The following TMEM132C variants were observed in gnomAD, a reference collection of about 807,000 sequenced individuals.
TMEM132C encodes the protein transmembrane protein 132C, also known as protein phosphatase 1, regulatory subunit 152.
A neutral mutation model predicts 61.4 loss-of-function variants in TMEM132C; 29 were observed. That is an observed-to-expected ratio of 0.47 (90% CI 0.35 to 0.64). The LOEUF (loss-of-function observed/expected upper bound fraction) is 0.64. TMEM132C is among the 30% of genes least tolerant of loss of function. TMEM132C has a pLI of 0.00. For synonymous variants in TMEM132C, 656 were observed against 633.1 expected (o/e 1.04, Z -0.54); for missense variants, 1,408 against 1,476.9 (o/e 0.95, Z 0.76).
Position 128,630,479 on chromosome 12 carries a change from C to A in TMEM132C, c.1305+14144C>A, listed in dbSNP as rs1593126731. ...CCAGGCATCTACTCAAATATCCCCT[C>A]CTCACTAGGCCCCCTGACTAACCTG... On this transcript the variant is annotated intron_variant, in intron 4 of 8. Transcript: ENST00000435159. This position sits in a 1 kb window ranked among gnomAD's most constrained non-coding sequence, Gnocchi z 4.3. 6.6e-6 allele frequency among the ~76,000 whole-genome samples: 1 copy of A among 152,312 alleles called. No homozygotes were observed. Among genetic ancestry groups the A allele is most frequent in the East Asian group, 1.9e-4 (1 of 5,178 alleles).
chr12:128,427,387 G>GGTGTGT (rs761620460), intron 2 of TMEM132C, among the ~76,000 whole-genome samples: 2,262 of 132,200 alleles, frequency 0.017, 33 homozygotes, highest in South Asian at 0.028. Flanking sequence ...CTTCCAAAGG[G>GGTGTGT]GTGTGTGTGT....
intron 3 of TMEM132C, 137 bp from the exon 4 acceptor site, chr12:128,616,015 C>T: frequency 9.4e-7 from 1 of 1,061,332 alleles, no homozygotes; most frequent in Non-Finnish European, 1.3e-6. Context: ...GGTTCCATGC[C>T]CCAGGATCCC....
At chr12:128,402,048 G>T (rs551302023) in intron 1 of TMEM132C, among the ~76,000 whole-genome samples, 3 of 152,224 alleles carry the variant, frequency 2.0e-5, no homozygotes, top group African/African-American at 7.2e-5. Flanking sequence ...TCATCACAGG[G>T]GTCCCTGTAG....
intron 4 of TMEM132C, among the ~76,000 whole-genome samples, chr12:128,623,807 C>CAA (rs371355482): frequency 7.7e-6 from 1 of 129,330 alleles, no homozygotes; most frequent in African/African-American, 2.8e-5. Flanking sequence ...GATTCTGTCT[C>CAA]AAAAAAAAAA....
chr12:128,473,992 T>C (rs1871076789), intron 2 of TMEM132C, among the ~76,000 whole-genome samples: 1 of 152,240 alleles, frequency 6.6e-6, no homozygotes, highest in South Asian at 2.1e-4. Flanking sequence ...AAATGCCTGA[T>C]GCTCTTGATA....
rs189398138 is a variant in TMEM132C at position 128,518,908 on chromosome 12, G to A, written c.975-25049G>A. 4.6e-3 allele frequency among the ~76,000 whole-genome samples: 697 copies of A among 152,220 alleles called. 2 individuals carry two copies. Among genetic ancestry groups the A allele is most frequent in the Admixed American group, 9.1e-3 (139 of 15,296 alleles). On this transcript the variant is annotated intron_variant, in intron 2 of 8. Coordinates refer to ENST00000435159, the MANE Select transcript of TMEM132C (RefSeq NM_001136103.3). ...ATCCTTTGTGTCTATTTCTCATTCT[G>A]TCACGTGGGAATAATAGTACCACCC...
chr12:128,649,744 A>G (rs986286764), intron 4 of TMEM132C, among the ~76,000 whole-genome samples: 2 of 152,220 alleles, frequency 1.3e-5, no homozygotes, highest in Admixed American at 1.3e-4. Flanking sequence ...CACTTAGCCC[A>G]TGTGCCACCC....
intron 1 of TMEM132C, among the ~76,000 whole-genome samples, chr12:128,368,803 G>A (rs542398085): frequency 4.9e-4 from 75 of 152,266 alleles, no homozygotes; most frequent in African/African-American, 1.6e-3. Context: ...TCCACAAAGC[G>A]GGAGACTGAG....
At chr12:128,615,458 T>C (rs1161812923) in intron 3 of TMEM132C, among the ~76,000 whole-genome samples, 1 of 152,166 alleles carries the variant, frequency 6.6e-6, no homozygotes, top group African/African-American at 2.4e-5. Context: ...CCTGAGTTTG[T>C]TTTCCTGCAA....
chr12:128,477,303 G>T lies in TMEM132C; in HGVS notation c.974+61683G>T, dbSNP rs1289158267. On this transcript the variant is annotated intron_variant, in intron 2 of 8. Coordinates refer to ENST00000435159, the MANE Select transcript of TMEM132C (RefSeq NM_001136103.3). ...CATCCTGGGCCACCAAGCTAGCCTG[G>T]GAATGTCTTCCTTATAGCAATAGCA... Among the ~76,000 whole-genome samples, 6 of 152,086 alleles carry T rather than the reference G, an allele frequency of 3.9e-5. No individual in the cohort carries two copies. In the East Asian group the frequency reaches 1.2e-3, roughly 29 times the overall value.
At chr12:128,343,687 C>T (rs1359333930) in intron 1 of TMEM132C, among the ~76,000 whole-genome samples, 8 of 151,984 alleles carry the variant, frequency 5.3e-5, no homozygotes, top group East Asian at 1.9e-4. Flanking sequence ...GTACAATCAA[C>T]GGTATCATTT....
In TMEM132C at chr12:128,307,346, C is replaced by T. The variant is rs1198382756; in HGVS notation, c.85+39859C>T. Among the ~76,000 whole-genome samples the T allele has an allele frequency of 2.0e-5, 3 of 151,696 alleles. No individual in the cohort carries two copies. In the East Asian group the frequency reaches 5.8e-4, roughly 29 times the overall value. On this transcript the variant is annotated intron_variant, in intron 1 of 8. Transcript: ENST00000435159. ...ATCTCAACTGGAAGTCAAAATGTGTCTTAGAAATTCAGCAATGTCTAAGTA... is the reference window on the plus strand; with the variant it reads ...ATCTCAACTGGAAGTCAAAATGTGTTTTAGAAATTCAGCAATGTCTAAGTA...
chr12:128,525,472 G>A (rs1276463380), intron 2 of TMEM132C, among the ~76,000 whole-genome samples: 1 of 152,066 alleles, frequency 6.6e-6, no homozygotes, highest in Non-Finnish European at 1.5e-5. Context: ...CCTGTTCTTT[G>A]GAATAATTAA....
At chr12:128,324,250 T>C (rs1319994116) in intron 1 of TMEM132C, among the ~76,000 whole-genome samples, 1 of 152,122 alleles carries the variant, frequency 6.6e-6, no homozygotes, top group Non-Finnish European at 1.5e-5. Flanking sequence ...AACAGGGGAA[T>C]GCTTATGGTC....
chr12:128,705,317 A>G lies in TMEM132C; in HGVS notation c.2349A>G (p.Lys783=). Residue 783 remains lysine (K), a synonymous_variant, in exon 9 of 9, where the codon AAA becomes AAG. Coordinates refer to ENST00000435159, the MANE Select transcript of TMEM132C (RefSeq NM_001136103.3). ...MTIAEACQKS[K]RKSILAVGVG... ...TCGCCGAGGCCTGCCAGAAATCTAA[A>G]CGCAAGAGCATCCTGGCTGTGGGCG... 6.4e-7 allele frequency: 1 copy of G among 1,551,130 alleles called. No individual in the cohort carries two copies. The highest frequency in any genetic ancestry group is 8.7e-7 in the Non-Finnish European group (1 of 1,146,634).
In TMEM132C at chr12:128,522,127, G is replaced by A. The variant is rs114404342; in HGVS notation, c.975-21830G>A. On this transcript the variant is annotated intron_variant, in intron 2 of 8. Transcript: ENST00000435159. ...GGCCAGAAAACAGAGGAGAAATTCC[G>A]AACCCCATGCTATCTCAAGAACGCT... Among the ~76,000 whole-genome samples the A allele has an allele frequency of 5.1e-3, 777 of 152,238 alleles. 6 individuals carry two copies. The highest frequency in any genetic ancestry group is 0.018 in the African/African-American group (749 of 41,538).
At chr12:128,696,462 C>G (rs959473501) in intron 7 of TMEM132C, among the ~76,000 whole-genome samples, 3 of 152,218 alleles carry the variant, frequency 2.0e-5, no homozygotes, top group Non-Finnish European at 2.9e-5. Flanking sequence ...TGTACCACTT[C>G]TACCAGTGGC....
At chr12:128,394,927 G>A (rs540768044) in intron 1 of TMEM132C, among the ~76,000 whole-genome samples, 1 of 121,486 alleles carries the variant, frequency 8.2e-6, no homozygotes, top group East Asian at 2.5e-4. Flanking sequence ...AAAAAATCTA[G>A]TAAAGCTAAA....
chr12:128,388,902 C>A (rs1002373864), intron 1 of TMEM132C, among the ~76,000 whole-genome samples: 1 of 152,226 alleles, frequency 6.6e-6, no homozygotes, highest in Non-Finnish European at 1.5e-5. Flanking sequence ...ACAGTGGCAG[C>A]TGGCTAAACA....
Sources: gnomAD v4.1 joint callset for allele counts (sites outside exome capture counted in the v4.1 genomes callset) on GRCh38, gnomAD v4.1.1 for gene constraint, Gnocchi (gnomAD v3.1) non-coding constraint, MANE v1.5 for transcripts, NCBI Gene and HGNC (gene_info 2026-07-23, HGNC 2026-07-21) for gene names.